The following NCAM2 variants were observed in gnomAD, a reference collection of about 807,000 sequenced individuals.
The protein encoded by NCAM2 is N-CAM-2.
NCAM2 carries 30 observed loss-of-function variants against 98.1 expected under a neutral mutation model. The ratio of observed to expected loss-of-function variants is 0.31; its 90% confidence interval spans 0.23 to 0.41. The LOEUF is 0.41. Ranked by LOEUF, NCAM2 falls within the 10% of genes least tolerant of loss-of-function variation. The pLI, the probability that NCAM2 is intolerant of heterozygous loss-of-function variation, is 1.00. For synonymous variants in NCAM2, 368 were observed against 342.4 expected, an observed-to-expected ratio of 1.07 and a Z score of -0.83; for missense variants, 867 against 1,005.8, an observed-to-expected ratio of 0.86 and a Z score of 1.87.
chr21:21,096,238 TA>T (rs1352528094), intron 1 of NCAM2, among the ~76,000 whole-genome samples: 1 of 151,670 alleles, frequency 6.6e-6, no homozygotes, highest in Non-Finnish European at 1.5e-5. Flanking sequence ...GCTATATATA[TA>T]TTTTTTTAAT....
intron 17 of NCAM2, 122 bp from the exon 18 acceptor site, chr21:21,537,724 G>T: frequency 2.2e-6 from 1 of 458,700 alleles, no homozygotes; most frequent in Non-Finnish European, 3.9e-6. Context: ...AACTTATTTA[G>T]CATATATAAA....
At chr21:21,444,262 G>A (rs989554990) in intron 12 of NCAM2, among the ~76,000 whole-genome samples, 2 of 152,092 alleles carry the variant, frequency 1.3e-5, no homozygotes, top group African/African-American at 4.8e-5. Context: ...TTTTCATACC[G>A]ATGTTCATCA....
At chr21:21,339,469 G>A (rs566814160) in intron 8 of NCAM2, among the ~76,000 whole-genome samples, 92 of 152,076 alleles carry the variant, frequency 6.0e-4, no homozygotes, top group African/African-American at 2.2e-3. Context: ...GAAAGGAAAA[G>A]ATGGTGAAAT....
At chr21:21,519,285 T>G (rs558495663) in intron 16 of NCAM2, among the ~76,000 whole-genome samples, 1 of 152,194 alleles carries the variant, frequency 6.6e-6, no homozygotes, top group African/African-American at 2.4e-5. Context: ...TTATTGGACA[T>G]AATAGGTTTA....
At chr21:21,043,867 AG>A (rs1356901342) in intron 1 of NCAM2, among the ~76,000 whole-genome samples, 1 of 150,940 alleles carries the variant, frequency 6.6e-6, no homozygotes, top group Non-Finnish European at 1.5e-5. Context: ...AAAAAAAAAA[AG>A]AAAAAAGAAA....
intron 1 of NCAM2, among the ~76,000 whole-genome samples, chr21:21,083,861 A>G (rs572649934): frequency 6.6e-6 from 1 of 152,292 alleles, no homozygotes; most frequent in South Asian, 2.1e-4. Context: ...CATAACTAGG[A>G]TATTGACATT....
In NCAM2 at chr21:21,166,352, C is replaced by T. The variant is rs149001907; in HGVS notation, c.56-114226C>T. ...CCTCCTGAGTAGCCGGGATTACAGGCGCCCACCACCACGCCCAGATAATTT... is the reference window on the plus strand; with the variant it reads ...CCTCCTGAGTAGCCGGGATTACAGGTGCCCACCACCACGCCCAGATAATTT... On this transcript the variant is annotated intron_variant, in intron 1 of 17. Transcript: ENST00000400546. Among the ~76,000 whole-genome samples the T allele has an allele frequency of 1.9e-3, 291 of 152,180 alleles. 5 individuals are homozygous for T. The East Asian group carries it at 0.046, about 24-fold the overall frequency.
intron 1 of NCAM2, among the ~76,000 whole-genome samples, chr21:21,106,693 G>A (rs868563914): frequency 1.9e-4 from 29 of 151,430 alleles, no homozygotes; most frequent in Admixed American, 1.6e-3. Flanking sequence ...GAGAATGATG[G>A]GAAAAAGTAA....
At chr21:21,411,599 C>G (rs2076889311) in intron 10 of NCAM2, among the ~76,000 whole-genome samples, 2 of 152,096 alleles carry the variant, frequency 1.3e-5, no homozygotes, top group African/African-American at 4.8e-5. Flanking sequence ...ATGATCATCA[C>G]CCTTTCCAAA....
intron 11 of NCAM2, among the ~76,000 whole-genome samples, chr21:21,424,803 G>A (rs577159258): frequency 1.1e-4 from 16 of 151,944 alleles, no homozygotes; most frequent in South Asian, 6.3e-4. Context: ...AAGCCGAGGC[G>A]GGTGGATCAT....
chr21:21,176,123 C>A (rs1022324445), intron 1 of NCAM2, among the ~76,000 whole-genome samples: 4 of 152,156 alleles, frequency 2.6e-5, no homozygotes, highest in Non-Finnish European at 5.9e-5. Flanking sequence ...TGAGATACCA[C>A]TGTGACAAAC....
At chr21:21,304,600 C>T (rs920725325) in intron 5 of NCAM2, among the ~76,000 whole-genome samples, 1 of 151,998 alleles carries the variant, frequency 6.6e-6, no homozygotes, top group African/African-American at 2.4e-5. Flanking sequence ...CTGTTCATTT[C>T]CATATTAATT....
chr21:21,532,752 A>G (rs1989776381), intron 16 of NCAM2, among the ~76,000 whole-genome samples: 2 of 152,274 alleles, frequency 1.3e-5, no homozygotes, highest in South Asian at 2.1e-4. Context: ...ATTTTTTAAA[A>G]GAATCAATTG....
At chr21:21,240,693 A>G (rs1705560516) in intron 1 of NCAM2, among the ~76,000 whole-genome samples, 1 of 152,184 alleles carries the variant, frequency 6.6e-6, no homozygotes, top group South Asian at 2.1e-4. Context: ...TATTTTTCTC[A>G]CATCAACCCC....
At position 21,543,204 on chromosome 21, in the gene NCAM2, T is replaced by TC. The variant is rs2146451441; in HGVS notation, c.*5247_*5248insC. On this transcript the variant is annotated 3_prime_UTR_variant, in exon 18 of 18. Coordinates refer to ENST00000400546, the MANE Select transcript of NCAM2 (RefSeq NM_004540.5). ...ATGCTGTATATATATGTCTAAACTG[T>TC]AAAAATTATACTGCAAATGTTGAAG... is the stretch of plus-strand genomic sequence containing the variant. 6.6e-6 allele frequency: 1 copy of TC among 152,034 alleles called. No individual in the cohort carries two copies. Among genetic ancestry groups the TC allele is most frequent in the South Asian group, 2.1e-4 (1 of 4,830 alleles). The allele number at this position is 152,034 out of a possible 1,614,324, so 9.4% of individuals were successfully genotyped here. A position where few individuals can be genotyped will look rare whatever the true frequency, so the allele number is the denominator to read the frequency against.
At chr21:21,363,350 G>T (rs2075696881) in intron 8 of NCAM2, among the ~76,000 whole-genome samples, 3 of 152,070 alleles carry the variant, frequency 2.0e-5, no homozygotes, top group Admixed American at 6.6e-5. Context: ...TTGTCATATT[G>T]CAGATATTAC....
At chr21:21,278,885 A>G (rs2072827392) in intron 1 of NCAM2, among the ~76,000 whole-genome samples, 2 of 152,014 alleles carry the variant, frequency 1.3e-5, no homozygotes, top group Admixed American at 1.3e-4. Flanking sequence ...TAGTTGTGTT[A>G]TATTCTTAGT....
chr21:21,401,382 T>C (rs1193908107), intron 9 of NCAM2, among the ~76,000 whole-genome samples: 5 of 152,228 alleles, frequency 3.3e-5, no homozygotes, highest in African/African-American at 1.2e-4. Context: ...ACTGTTGTCA[T>C]CTTATTGGGT....
rs766008654 is a variant in NCAM2, at chr21:21,292,106, C to T, written c.484C>T (p.Arg162Trp). ...NEEVTTISDN[R>W]FAMLANNNLQ... ...TCTCCCCTTTGCTTTCTTTCCAGAT[C>T]GGTTCGCTATGTTAGCAAACAATAA... The change falls in exon 5 of 18, where the codon CGG (arginine) becomes TGG (tryptophan). Residue 162 changes from arginine to tryptophan, a missense_variant and splice_region_variant. Transcript: ENST00000400546. 2.5e-6 allele frequency: 4 copies of T among 1,607,598 alleles called. No individual in the cohort carries two copies. The highest frequency in any genetic ancestry group is 2.2e-5 in the South Asian group (2 of 90,156).
Sources: gnomAD v4.1 joint callset for allele counts (sites outside exome capture counted in the v4.1 genomes callset) on GRCh38, gnomAD v4.1.1 for gene constraint, MANE v1.5 for transcripts, NCBI Gene and HGNC (gene_info 2026-07-23, HGNC 2026-07-21) for gene names.